Variants in PCYOX1 observed in about 807,000 individuals in gnomAD.
PCYOX1 encodes prenylcysteine oxidase 1, also known as prenylcysteine lyase.
PCYOX1 carries 46 observed loss-of-function variants against 46.4 expected under a neutral mutation model. The observed-to-expected ratio is 0.99, with a 90% CI of 0.78 to 1.27. The LOEUF is 1.27. Ranked by LOEUF, PCYOX1 falls within the 50% of genes most tolerant of loss-of-function variation. The pLI is 0.00. For synonymous variants in PCYOX1, 220 were observed against 231.8 expected (o/e 0.95, Z 0.46); for missense variants, 658 against 628.3 (o/e 1.05, Z -0.51).
In PCYOX1 at chr2:70,259,359, G is replaced by C; in HGVS notation, c.113-1G>C. ...TAATCTTCTGTTTTTTTCCCTCATA[G>C]CGATTATTGGAGCCGGAATTGGTGG... On this transcript the variant is annotated splice_acceptor_variant, in intron 1 of 5. Transcript: ENST00000433351. LOFTEE classifies it high-confidence loss of function. The C allele has an allele frequency of 6.2e-7, 1 of 1,612,702 alleles. No homozygotes were observed. The highest frequency in any genetic ancestry group is 1.7e-4 in the Middle Eastern group (1 of 5,964).
At chr2:70,268,674 T>C (rs1403257086) in intron 3 of PCYOX1, among the ~76,000 whole-genome samples, 2 of 151,776 alleles carry the variant, frequency 1.3e-5, no homozygotes, top group African/African-American at 2.4e-5. Flanking sequence ...TGGTGCATGC[T>C]TGTAATCCCA....
intron 4 of PCYOX1, 78 bp from the exon 5 acceptor site, chr2:70,275,436 G>A (rs1264160787): frequency 1.5e-5 from 21 of 1,423,914 alleles, no homozygotes; most frequent in Non-Finnish European, 2.1e-5. Flanking sequence ...AGTAGAACAT[G>A]TAATTGGGAA....
intron 3 of PCYOX1, among the ~76,000 whole-genome samples, chr2:70,263,279 C>T (rs890666457): frequency 6.6e-6 from 1 of 151,574 alleles, no homozygotes; most frequent in Non-Finnish European, 1.5e-5. Flanking sequence ...GTTTCTATAA[C>T]TCATGGTAGT....
intron 3 of PCYOX1, among the ~76,000 whole-genome samples, chr2:70,263,523 C>T (rs1024330499): frequency 1.3e-5 from 2 of 152,126 alleles, no homozygotes; most frequent in African/African-American, 4.8e-5. Flanking sequence ...AGGCAATACA[C>T]AACCAAGGAA....
chr2:70,262,696 G>C (rs999631667), intron 3 of PCYOX1, among the ~76,000 whole-genome samples: 4 of 151,398 alleles, frequency 2.6e-5, no homozygotes, highest in African/African-American at 7.3e-5. Context: ...AGCCAGGATG[G>C]TCTTGATCTC....
chr2:70,259,935 C>T (rs1417415696), intron 2 of PCYOX1, among the ~76,000 whole-genome samples: 1 of 152,122 alleles, frequency 6.6e-6, no homozygotes, highest in Non-Finnish European at 1.5e-5. Flanking sequence ...CCTGCCTTAG[C>T]CTCCTGAGTA....
intron 5 of PCYOX1, 85 bp from the exon 6 acceptor site, chr2:70,276,649 G>C (rs1696675989): frequency 1.3e-6 from 1 of 773,082 alleles, no homozygotes. Flanking sequence ...TAGAATTATA[G>C]AGAAATTATG....
upstream of PCYOX1, chr2:70,258,100 C>T (rs1696370419): frequency 7.5e-7 from 1 of 1,334,302 alleles, no homozygotes; most frequent in Admixed American, 2.1e-5. Flanking sequence ...GGGCGGAGCG[C>T]GCAGCCGCGC....
chr2:70,265,419 G>A (rs1248663790), intron 3 of PCYOX1, among the ~76,000 whole-genome samples: 2 of 151,976 alleles, frequency 1.3e-5, no homozygotes, highest in African/African-American at 4.8e-5. Flanking sequence ...TTGAACTCCT[G>A]GGCTCAAGTG....
rs1392632224 is a variant in PCYOX1 at position 70,277,043 on chromosome 2, G to C, written c.1169G>C (p.Arg390Thr). The C allele has an allele frequency of 1.2e-6, 2 of 1,613,896 alleles. No homozygotes were observed. Among genetic ancestry groups the C allele is most frequent in the South Asian group, 2.2e-5 (2 of 91,070 alleles). The stretch of plus-strand genomic sequence containing the variant: ...AGTATTGGGATTGTGCCCTCTGTGA[G>C]AGAAAAGGAAGATCCTGAGCCATCA... The part of the protein sequence containing the change: ...INSIGIVPSV[R>T]EKEDPEPSTD... The change falls in exon 6 of 6, where the codon AGA becomes ACA. Residue 390 changes from arginine to threonine, a missense_variant. By Grantham distance (71) the Arg-to-Thr change is moderately conservative. Coordinates refer to ENST00000433351, the MANE Select transcript of PCYOX1 (RefSeq NM_016297.4).
At chr2:70,273,489 AT>A (rs1369645034) in intron 3 of PCYOX1, among the ~76,000 whole-genome samples, 1 of 152,218 alleles carries the variant, frequency 6.6e-6, no homozygotes, top group Non-Finnish European at 1.5e-5. Flanking sequence ...CTGTAAAAAA[AT>A]ATAGTACATT....
rs778382239 is a variant in PCYOX1 at position 70,258,267 on chromosome 2, G to A, written c.103G>A (p.Asp35Asn). The A allele has an allele frequency of 1.3e-6, 2 of 1,585,670 alleles. No individual in the cohort carries two copies. The highest frequency in any genetic ancestry group is 1.7e-5 in the Admixed American group (1 of 58,618). Residue 35 changes from aspartate to asparagine, a missense_variant, in exon 1 of 6, where the codon GAT becomes AAT. By Grantham distance (23) the Asp-to-Asn change is conservative. Transcript: ENST00000433351. The part of the protein sequence containing the change: ...PEGAELRAPP[D>N]KIAIIGAGIG... ...GGGCGCCGAGCTGCGTGCTCCGCCAGATAAAATCGGTAGGCGAGAAGGGGG... is the reference window on the plus strand; with the variant it reads ...GGGCGCCGAGCTGCGTGCTCCGCCAAATAAAATCGGTAGGCGAGAAGGGGG...
At chr2:70,259,747 G>C (rs1341274518) in intron 2 of PCYOX1, among the ~76,000 whole-genome samples, 181 bp downstream of exon 2, 2 of 151,832 alleles carry the variant, frequency 1.3e-5, no homozygotes, top group African/African-American at 2.4e-5. Flanking sequence ...TGCTGTAATG[G>C]GACACTAGTT....
At chr2:70,260,872 G>A (rs532595917) in intron 2 of PCYOX1, among the ~76,000 whole-genome samples, 1 of 152,106 alleles carries the variant, frequency 6.6e-6, no homozygotes, top group South Asian at 2.1e-4. Context: ...ATGCCACGAA[G>A]ATGCATGTCT....
chr2:70,261,399 C>A lies in PCYOX1; in HGVS notation c.494+13C>A. On this transcript the variant is annotated intron_variant, in intron 3 of 5. Transcript: ENST00000433351. ...ACAAGTTCATGAGGTAATTTTTTTT[C>A]CTTCCATTTAACCTAAGATCTTTTA... The A allele has an allele frequency of 6.4e-7, 1 of 1,561,724 alleles. No individual in the cohort carries two copies. The highest frequency in any genetic ancestry group is 1.1e-5 in the South Asian group (1 of 87,434).
At chr2:70,273,046 C>A (rs577832875) in intron 3 of PCYOX1, among the ~76,000 whole-genome samples, 1 of 152,242 alleles carries the variant, frequency 6.6e-6, no homozygotes, top group Admixed American at 6.5e-5. Context: ...AATTAGAGTG[C>A]TCTCTGTTTA....
chr2:70,258,249 G>T lies in PCYOX1; in HGVS notation c.85G>T (p.Glu29Ter). Reference protein sequence around the residue: ...LCSCGCPEGAELRAPPDKIAI... With the variant: ...LCSCGCPEGA ...CAGCTGCGGATGCCCCGAGGGCGCC[G>T]AGCTGCGTGCTCCGCCAGATAAAAT... The change falls in exon 1 of 6, where the codon GAG (glutamate) becomes TAG (stop). Residue 29 changes from glutamate (E) to a stop codon, truncating the protein, a stop_gained. Transcript: ENST00000433351. LOFTEE classifies it high-confidence loss of function. The T allele has an allele frequency of 1.3e-6, 2 of 1,593,300 alleles. No homozygotes were observed. Among genetic ancestry groups the T allele is most frequent in the South Asian group, 1.1e-5 (1 of 90,222 alleles).
At chr2:70,274,173 T>C (rs1458075927) in intron 3 of PCYOX1, among the ~76,000 whole-genome samples, 1 of 151,802 alleles carries the variant, frequency 6.6e-6, no homozygotes, top group African/African-American at 2.4e-5. Flanking sequence ...ATGTGGCCTT[T>C]AGACAAAGTA....
chr2:70,261,962 T>C (rs2104889417), intron 3 of PCYOX1, among the ~76,000 whole-genome samples: 1 of 152,312 alleles, frequency 6.6e-6, no homozygotes, highest in East Asian at 1.9e-4. Flanking sequence ...TTCCAAGAAT[T>C]TACATTCTAG....
Sources: gnomAD v4.1 joint callset for allele counts (sites outside exome capture counted in the v4.1 genomes callset) on GRCh38, gnomAD v4.1.1 for gene constraint, MANE v1.5 for transcripts, NCBI Gene and HGNC (gene_info 2026-07-23, HGNC 2026-07-21) for gene names.